Variants in GPHN observed in about 807,000 individuals in gnomAD.
GPHN encodes the protein gephyrin.
Under a neutral mutation model 95.5 loss-of-function variants are expected in GPHN, and 17 were observed. That is an observed-to-expected ratio of 0.18 (90% CI 0.12 to 0.27). GPHN has a LOEUF of 0.27. GPHN is among the 10% of genes least tolerant of loss of function. The pLI is 1.00. For synonymous variants in GPHN, 320 were observed against 322.5 expected (o/e 0.99, Z 0.08); for missense variants, 660 against 978.1 (o/e 0.67, Z 4.34).
chr14:67,289,993 C>T, the GPHN span, among the ~76,000 whole-genome samples: 159 of 152,020 alleles, frequency 1.0e-3, no homozygotes, highest in Non-Finnish European at 1.5e-3. Context: ...AGGATGGTCT[C>T]GATCTCCTGA....
chr14:67,636,767 C>G, the GPHN span, among the ~76,000 whole-genome samples: 1 of 152,172 alleles, frequency 6.6e-6, no homozygotes, highest in Non-Finnish European at 1.5e-5. Flanking sequence ...CAAGGCTGTG[C>G]CAGTGTATAA....
chr14:66,695,053 G>A (rs968612627), intron 2 of GPHN, among the ~76,000 whole-genome samples: 3 of 152,096 alleles, frequency 2.0e-5, no homozygotes, highest in Non-Finnish European at 2.9e-5. Flanking sequence ...CAACTACTCA[G>A]GAGGCTGAGG....
chr14:66,890,494 A>C (rs2064425964), intron 5 of GPHN, among the ~76,000 whole-genome samples: 1 of 152,138 alleles, frequency 6.6e-6, no homozygotes, highest in Non-Finnish European at 1.5e-5. Context: ...AATTCTACCA[A>C]GTATTTCAAG....
intron 11 of GPHN, among the ~76,000 whole-genome samples, chr14:67,059,220 T>TA (rs1299564572): frequency 6.6e-6 from 1 of 151,888 alleles, no homozygotes; most frequent in African/African-American, 2.4e-5. Context: ...TATTTAAATG[T>TA]AAAAATGTAA....
At chr14:66,531,066 T>C (rs568451209) in intron 1 of GPHN, among the ~76,000 whole-genome samples, 1 of 150,582 alleles carries the variant, frequency 6.6e-6, no homozygotes, top group South Asian at 2.1e-4. Flanking sequence ...AGTAATTCTC[T>C]TCCCAAATAG....
the GPHN span, among the ~76,000 whole-genome samples, chr14:67,311,365 C>T: frequency 6.6e-6 from 1 of 150,444 alleles, no homozygotes; most frequent in Non-Finnish European, 1.5e-5. Context: ...AGAAATGGAC[C>T]TTGAATTCTT....
the GPHN span, among the ~76,000 whole-genome samples, chr14:67,627,959 T>C: frequency 6.6e-6 from 1 of 152,196 alleles, no homozygotes; most frequent in African/African-American, 2.4e-5. Flanking sequence ...CTGATATGTA[T>C]TTGGAAGAGT....
chr14:66,587,121 A>C (rs1380718979), intron 1 of GPHN, among the ~76,000 whole-genome samples: 1 of 152,172 alleles, frequency 6.6e-6, no homozygotes, highest in Non-Finnish European at 1.5e-5. Context: ...ACACAAACAA[A>C]TTACATAACC....
chr14:66,952,756 C>A (rs973645991), intron 8 of GPHN, among the ~76,000 whole-genome samples: 5 of 151,982 alleles, frequency 3.3e-5, no homozygotes, highest in African/African-American at 4.8e-5. Context: ...GTGCAGTGGC[C>A]CAATCTCGGC....
In GPHN at chr14:66,544,607, T is replaced by C. The variant is rs567886117; in HGVS notation, c.64+36016T>C. 2.2e-3 allele frequency among the ~76,000 whole-genome samples: 327 copies of C among 151,960 alleles called. 6 individuals carry two copies. The highest frequency in any genetic ancestry group is 3.5e-3 in the Admixed American group (54 of 15,274). On this transcript the variant is annotated intron_variant, in intron 1 of 22. Coordinates refer to ENST00000478722, the MANE Select transcript of GPHN (RefSeq NM_020806.5). ...TTTTTTTTTTAATTTATTTATTTTT[T>C]ATTGATCATTCTTGGGTGTTTCTCA...
chr14:67,629,702 GTTAT>G, the GPHN span, among the ~76,000 whole-genome samples: 2 of 152,168 alleles, frequency 1.3e-5, no homozygotes, highest in East Asian at 3.8e-4. Flanking sequence ...TAATAGAAAT[GTTAT>G]TTATAGTTAA....
At chr14:67,195,021 G>A in the GPHN span, among the ~76,000 whole-genome samples, 19 of 152,276 alleles carry the variant, frequency 1.2e-4, no homozygotes, top group Non-Finnish European at 2.4e-4. Context: ...TAATTAACTA[G>A]GATAATTGGA....
chr14:66,632,008 A>G (rs1595334520), intron 1 of GPHN, among the ~76,000 whole-genome samples: 2 of 152,010 alleles, frequency 1.3e-5, no homozygotes, highest in African/African-American at 4.8e-5. Flanking sequence ...CTAATTTCCT[A>G]TTCGTATCAT....
the GPHN span, chr14:67,302,244 G>A: frequency 1.7e-6 from 2 of 1,195,258 alleles, no homozygotes; most frequent in Non-Finnish European, 2.2e-6. Context: ...GGGGGAAATG[G>A]TCAACTTTTA....
intron 17 of GPHN, among the ~76,000 whole-genome samples, chr14:67,138,866 C>G (rs925335126): frequency 6.7e-6 from 1 of 148,300 alleles, no homozygotes; most frequent in Non-Finnish European, 1.5e-5. Context: ...AAATCCATAC[C>G]TCTTGCCACA....
At chr14:66,754,273 G>T (rs2058481772) in intron 2 of GPHN, among the ~76,000 whole-genome samples, 1 of 151,978 alleles carries the variant, frequency 6.6e-6, no homozygotes, top group African/African-American at 2.4e-5. Flanking sequence ...TCAGCATTCT[G>T]AGAAACTTAA....
At chr14:66,629,112 CATATATAAATATGTATATAAATAT>C (rs2063641956) in intron 1 of GPHN, among the ~76,000 whole-genome samples, 15 of 129,654 alleles carry the variant, frequency 1.2e-4, no homozygotes, top group Non-Finnish European at 2.2e-4. Flanking sequence ...TATTTATATA[CATATATAAATATGTATATAAATAT>C]ATATTTATAT....
At chr14:66,799,034 T>A (rs187159179) in intron 3 of GPHN, among the ~76,000 whole-genome samples, 3 of 151,872 alleles carry the variant, frequency 2.0e-5, no homozygotes, top group South Asian at 2.1e-4. Flanking sequence ...TTTGTTTCAA[T>A]AAATTTTTCA....
chr14:66,835,466 A>G (rs76682743), intron 4 of GPHN, among the ~76,000 whole-genome samples: 6 of 152,132 alleles, frequency 3.9e-5, no homozygotes, highest in East Asian at 1.9e-4. Flanking sequence ...AGAGCTATCT[A>G]TGACAAACCC....
Sources: gnomAD v4.1 joint callset for allele counts (sites outside exome capture counted in the v4.1 genomes callset) on GRCh38, gnomAD v4.1.1 for gene constraint, MANE v1.5 for transcripts, NCBI Gene and HGNC (gene_info 2026-07-23, HGNC 2026-07-21) for gene names.